Variants in STK32C observed in about 807,000 individuals in gnomAD.
STK32C encodes serine/threonine kinase 32C.
Under a neutral mutation model 56.5 loss-of-function variants are expected in STK32C, and 31 were observed. The observed-to-expected ratio is 0.55, with a 90% CI of 0.41 to 0.74. The LOEUF is 0.74. STK32C is among the 30% of genes least tolerant of loss of function. STK32C has a pLI of 0.00. For missense variants in STK32C, 544 were observed against 676.9 expected (o/e 0.80, Z 2.18); for synonymous variants, 309 against 289.4 (o/e 1.07, Z -0.69).
intron 1 of STK32C, among the ~76,000 whole-genome samples, chr10:132,276,084 T>C (rs1198722335): frequency 6.6e-6 from 1 of 152,150 alleles, no homozygotes; most frequent in Non-Finnish European, 1.5e-5. Context: ...GCTTCCCTCA[T>C]CATGAGATGA....
At chr10:132,323,916 G>C (rs56388233), downstream of STK32C, 25 of 246,536 alleles carry the variant, frequency 1.0e-4, no homozygotes, top group African/African-American at 5.5e-4. This position sits in a 1 kb window ranked among gnomAD's most constrained non-coding sequence, Gnocchi z 4.8. Context: ...AAACATGAGG[G>C]GTGGCCTCAT....
chr10:132,276,514 G>T (rs74161762), intron 1 of STK32C, among the ~76,000 whole-genome samples: 3 of 152,126 alleles, frequency 2.0e-5, no homozygotes, highest in African/African-American at 4.8e-5. Flanking sequence ...AGGCACGGCG[G>T]CTCACGCCTG....
intron 1 of STK32C, among the ~76,000 whole-genome samples, chr10:132,281,773 T>C (rs1003002683): frequency 3.9e-5 from 6 of 152,230 alleles, no homozygotes; most frequent in Non-Finnish European, 7.3e-5. Context: ...CCCTCTGCTT[T>C]GGTTCCAGGA....
At chr10:132,239,002 C>A (rs2137852109) in intron 2 of STK32C, among the ~76,000 whole-genome samples, 1 of 152,302 alleles carries the variant, frequency 6.6e-6, no homozygotes, top group East Asian at 1.9e-4. Context: ...TCGCCCTGGG[C>A]CAGGCTGGAC....
intron 4 of STK32C, among the ~76,000 whole-genome samples, chr10:132,226,417 G>A (rs1286472988): frequency 6.6e-6 from 1 of 152,140 alleles, no homozygotes; most frequent in Non-Finnish European, 1.5e-5. Flanking sequence ...TCTGCTTTAA[G>A]CTAATGTTAA....
chr10:132,232,976 G>T (rs1287685794), intron 2 of STK32C, among the ~76,000 whole-genome samples: 1 of 152,170 alleles, frequency 6.6e-6, no homozygotes, highest in Non-Finnish European at 1.5e-5. Context: ...TTCCCCAGAA[G>T]CAAATGCCTG....
intron 1 of STK32C, among the ~76,000 whole-genome samples, chr10:132,262,233 C>T (rs1384732266): frequency 3.9e-5 from 6 of 152,118 alleles, no homozygotes; most frequent in Admixed American, 6.5e-5. Context: ...GGAGAGCCGG[C>T]GAGCCACATG....
At chr10:132,318,824 C>A (rs1237421320) in intron 1 of STK32C, among the ~76,000 whole-genome samples, 1 of 151,398 alleles carries the variant, frequency 6.6e-6, no homozygotes, top group Non-Finnish European at 1.5e-5. Flanking sequence ...AAAATTTAAA[C>A]CTCCATGAGA....
At chr10:132,303,851 T>TGC (rs2065979244) in intron 1 of STK32C, among the ~76,000 whole-genome samples, 3 of 152,206 alleles carry the variant, frequency 2.0e-5, no homozygotes, top group African/African-American at 7.2e-5. Context: ...GGGTTTTCCC[T>TGC]TCCCGCCAGC....
intron 1 of STK32C, among the ~76,000 whole-genome samples, chr10:132,328,306 C>T (rs1464695507): frequency 6.6e-6 from 1 of 151,876 alleles, no homozygotes; most frequent in African/African-American, 2.4e-5. Flanking sequence ...TTTTCTGCTC[C>T]TGGGTGGGTG....
chr10:132,254,943 G>C (rs953862326), intron 1 of STK32C, among the ~76,000 whole-genome samples: 1 of 152,020 alleles, frequency 6.6e-6, no homozygotes, highest in Non-Finnish European at 1.5e-5. Flanking sequence ...AGCTGCAGGC[G>C]TGTCCCAGGC....
At chr10:132,234,801 G>A (rs146022174) in intron 2 of STK32C, among the ~76,000 whole-genome samples, 1,601 of 152,360 alleles carry the variant, frequency 0.011, 30 homozygotes, top group African/African-American at 0.035. Context: ...CAGGAAGTCT[G>A]TGTTGTTCAA....
chr10:132,273,947 C>G (rs2064917728), intron 1 of STK32C, among the ~76,000 whole-genome samples: 1 of 152,242 alleles, frequency 6.6e-6, no homozygotes, highest in African/African-American at 2.4e-5. Flanking sequence ...CCTGGGCTGC[C>G]AACTGCGCTT....
At chr10:132,327,660 G>A (rs1401326926) in intron 1 of STK32C, among the ~76,000 whole-genome samples, 2 of 151,692 alleles carry the variant, frequency 1.3e-5, no homozygotes, top group Admixed American at 6.6e-5. Flanking sequence ...ATTTTTAGTG[G>A]AGATGGGGGT....
intron 1 of STK32C, among the ~76,000 whole-genome samples, chr10:132,315,061 G>C (rs2066288287): frequency 6.6e-6 from 1 of 152,186 alleles, no homozygotes; most frequent in African/African-American, 2.4e-5. Flanking sequence ...TCGAACCTAA[G>C]AGGCGGAAGT....
downstream of STK32C, among the ~76,000 whole-genome samples, chr10:132,323,106 C>A (rs1354518494): frequency 6.6e-6 from 1 of 152,140 alleles, no homozygotes; most frequent in African/African-American, 2.4e-5. The surrounding 1 kb of genome is among the most constrained non-coding windows in gnomAD (Gnocchi z 4.8). Flanking sequence ...ATTTCCCTTC[C>A]TACTGCTTGT....
In STK32C at chr10:132,217,708, C is replaced by G. The variant is rs535487677; in HGVS notation, c.1251+4933G>C. ...GCTGTTGTCATGATAGTGAATGAGTCTCATGAGATCCGATGGTTTTAAAAA... is the reference window on the plus strand; with the variant it reads ...GCTGTTGTCATGATAGTGAATGAGTGTCATGAGATCCGATGGTTTTAAAAA... On this transcript the variant is annotated intron_variant, in intron 10 of 11. Transcript: ENST00000298630. Among the ~76,000 whole-genome samples, 188 of 152,234 alleles carry G rather than the reference C, an allele frequency of 1.2e-3. 1 individual carries two copies. Among genetic ancestry groups the G allele is most frequent in the Non-Finnish European group, 2.0e-3 (135 of 68,014 alleles).
At position 132,318,621 on chromosome 10, in the gene STK32C, C is replaced by CA. The variant is rs1289169803; in HGVS notation, c.301+12814dup. Among the ~76,000 whole-genome samples, 771 of 117,486 alleles carry CA rather than the reference C, an allele frequency of 6.6e-3. 5 individuals are homozygous for CA. The highest frequency in any genetic ancestry group is 0.015 in the African/African-American group (486 of 32,156). 77.1% of individuals were successfully genotyped at this position (117,486 alleles called of 152,430 possible). On this transcript the variant is annotated intron_variant, in intron 1 of 3. Transcript: ENST00000368620. ...CAGAGTGAGACCTTGCCTCAAAAAA[C>CA]AAAAAAAAAAAGGAAAAGAAAAGAA...
chr10:132,213,247 G>T (rs977935098), intron 10 of STK32C, among the ~76,000 whole-genome samples: 1 of 152,220 alleles, frequency 6.6e-6, no homozygotes, highest in Non-Finnish European at 1.5e-5. Context: ...TCACCTAAGG[G>T]GAGGGGAAAA....
Sources: gnomAD v4.1 joint callset for allele counts (sites outside exome capture counted in the v4.1 genomes callset) on GRCh38, gnomAD v4.1.1 for gene constraint, Gnocchi (gnomAD v3.1) non-coding constraint, MANE v1.5 for transcripts, NCBI Gene and HGNC (gene_info 2026-07-23, HGNC 2026-07-21) for gene names.